Variants in KALRN observed in about 807,000 individuals in gnomAD.
KALRN encodes kalirin.
Under a neutral mutation model 353.7 loss-of-function variants are expected in KALRN, and 70 were observed. The observed-to-expected ratio is 0.20, with a 90% CI of 0.16 to 0.24. KALRN has a LOEUF of 0.24. Among genes scored for constraint, KALRN ranks in the 10% least tolerant of loss-of-function variants. KALRN has a pLI of 1.00. For missense variants in KALRN, 2,791 were observed against 3,756.7 expected (o/e 0.74, Z 6.72); for synonymous variants, 1,391 against 1,434.8 (o/e 0.97, Z 0.69).
In KALRN at chr3:124,334,135, T is replaced by G. The variant is rs1581074888; in HGVS notation, c.1417-130T>G. The stretch of plus-strand genomic sequence containing the variant: ...CCCATGGCAGCTCTGGCTGGCTAGG[T>G]GTCTGGGTATGGAATGCCTGAGATT... On this transcript the variant is annotated intron_variant, in intron 8 of 59. Coordinates refer to ENST00000682506, the MANE Select transcript of KALRN (RefSeq NM_001388419.1). The surrounding 1 kb of genome is among the most constrained non-coding windows in gnomAD (Gnocchi z 4.2). 4.0e-6 allele frequency: 3 copies of G among 758,820 alleles called. No homozygotes were observed. The highest frequency in any genetic ancestry group is 6.7e-6 in the Non-Finnish European group (3 of 449,292). 47.0% of individuals were successfully genotyped at this position (758,820 alleles called of 1,614,324 possible).
intron 1 of KALRN, among the ~76,000 whole-genome samples, chr3:124,171,184 G>A (rs2071767087): frequency 6.6e-6 from 1 of 152,074 alleles, no homozygotes; most frequent in African/African-American, 2.4e-5. Context: ...AAGGATTTGG[G>A]AAATTAGGCT....
chr3:124,304,691 T>C (rs562031646), intron 6 of KALRN, among the ~76,000 whole-genome samples: 26 of 152,294 alleles, frequency 1.7e-4, no homozygotes, highest in African/African-American at 6.3e-4. Flanking sequence ...ATAAGAACAG[T>C]GAGCCTGTGG....
chr3:124,265,413 C>A (rs2073406921), intron 4 of KALRN, among the ~76,000 whole-genome samples: 1 of 149,174 alleles, frequency 6.7e-6, no homozygotes, highest in African/African-American at 2.5e-5. Flanking sequence ...CTGCCTCAGC[C>A]TCCTGAGCAG....
chr3:124,217,394 G>T (rs898696457), intron 1 of KALRN, among the ~76,000 whole-genome samples: 8 of 152,154 alleles, frequency 5.3e-5, no homozygotes, highest in Admixed American at 3.9e-4. Context: ...AATTTATCTA[G>T]ATACCTGAAC....
chr3:124,270,824 G>GTTTTTTTTTTTTTTTTTTTTTTTTTGTT (rs777615656), intron 5 of KALRN, among the ~76,000 whole-genome samples: 2 of 78,654 alleles, frequency 2.5e-5, no homozygotes, highest in Non-Finnish European at 4.8e-5. Flanking sequence ...TTTTTGTTTT[G>GTTTTTTTTTTTTTTTTTTTTTTTTTGTT]TTTTTTTTTT....
At chr3:124,569,310 C>A (rs1429048507) in intron 34 of KALRN, among the ~76,000 whole-genome samples, 1 of 152,178 alleles carries the variant, frequency 6.6e-6, no homozygotes, top group East Asian at 1.9e-4. Context: ...TCAGGAACAG[C>A]TTCCCCATGC....
At position 124,430,813 on chromosome 3, in the gene KALRN, C is replaced by T. The variant is rs56072365; in HGVS notation, c.2829+38C>T. The T allele has an allele frequency of 2.3e-3, 3,755 of 1,598,258 alleles. 7 individuals carry two copies. Among genetic ancestry groups the T allele is most frequent in the Admixed American group, 3.5e-3 (207 of 58,926 alleles). On this transcript the variant is annotated intron_variant, in intron 16 of 59. Coordinates refer to ENST00000682506, the MANE Select transcript of KALRN (RefSeq NM_001388419.1). ...TCTGGCTGCACTGTCCTCCCTTCGCCTTTCTGCTCTGTACCTCAGGCAGGG... is the reference window on the plus strand; with the variant it reads ...TCTGGCTGCACTGTCCTCCCTTCGCTTTTCTGCTCTGTACCTCAGGCAGGG...
At chr3:124,350,818 C>T (rs2082759037) in intron 10 of KALRN, among the ~76,000 whole-genome samples, 2 of 152,166 alleles carry the variant, frequency 1.3e-5, no homozygotes, top group Non-Finnish European at 2.9e-5. Context: ...AATGTTTGCT[C>T]TGAAAAGGAG....
chr3:124,136,693 G>T (rs1031340299), intron 1 of KALRN, among the ~76,000 whole-genome samples: 11 of 152,180 alleles, frequency 7.2e-5, no homozygotes, highest in African/African-American at 2.7e-4. Context: ...CCTAGTGGCT[G>T]TTAAAGGCCC....
rs749410144 is a variant in KALRN, at chr3:124,395,293, C to T, written c.2121C>T (p.Ile707=). Residue 707 remains isoleucine (I), a synonymous_variant, in exon 12 of 60, where the codon ATC becomes ATT. Coordinates refer to ENST00000682506, the MANE Select transcript of KALRN (RefSeq NM_001388419.1). ...LNVIKEGEDL[I]QQLRSAPPSL... ...TCATCAAGGAAGGCGAAGACCTTAT[C>T]CAGCAGCTCAGGTCAGCGCCTCCCT... 6.2e-7 allele frequency: 1 copy of T among 1,613,700 alleles called. No homozygotes were observed. Among genetic ancestry groups the T allele is most frequent in the Non-Finnish European group, 8.5e-7 (1 of 1,179,964 alleles).
At chr3:124,361,856 G>A (rs2084077549) in intron 10 of KALRN, among the ~76,000 whole-genome samples, 1 of 150,312 alleles carries the variant, frequency 6.7e-6, no homozygotes, top group South Asian at 2.1e-4. Flanking sequence ...GGGGAGTAGT[G>A]ATGGTGGCAG....
intron 57 of KALRN, among the ~76,000 whole-genome samples, chr3:124,707,447 CTCCT>C (rs1247887695): frequency 1.9e-4 from 18 of 94,164 alleles, no homozygotes; most frequent in African/African-American, 7.9e-4. Context: ...CCTTCCTTCC[CTCCT>C]TCCTTCCTTC....
At chr3:124,474,794 AC>A (rs1431533660) in intron 26 of KALRN, 62 bp downstream of exon 26, 2 of 1,284,064 alleles carry the variant, frequency 1.6e-6, no homozygotes, top group African/African-American at 2.9e-5. Context: ...TCAGTGCCTG[AC>A]CTAAGGACTG....
At chr3:124,415,460 C>T (rs183892846) in intron 14 of KALRN, among the ~76,000 whole-genome samples, 40 of 152,314 alleles carry the variant, frequency 2.6e-4, no homozygotes, top group Admixed American at 1.1e-3. Context: ...GTTTGAAATG[C>T]GAGTTCAAGG....
At chr3:124,346,345 C>T (rs996097133) in intron 9 of KALRN, among the ~76,000 whole-genome samples, 6 of 152,130 alleles carry the variant, frequency 3.9e-5, no homozygotes, top group Non-Finnish European at 5.9e-5. Context: ...TCTTAGCATC[C>T]CCTCTCTCTC....
chr3:124,047,669 A>AT (rs967398933), intron 1 of KALRN, among the ~76,000 whole-genome samples: 1 of 138,244 alleles, frequency 7.2e-6, no homozygotes, highest in African/African-American at 2.7e-5. Flanking sequence ...ATTTTTTTTT[A>AT]TTTTTTTTTA....
rs1259772811 is a variant in KALRN at position 124,671,840 on chromosome 3, C to T, written c.6884C>T (p.Ser2295Phe). The change falls in exon 48 of 60, where the codon TCC becomes TTC. Residue 2295 changes from serine (S) to phenylalanine (F), a missense_variant. Physicochemically the swap from Ser to Phe is radical, Grantham distance 155 (BLOSUM62 -2). Transcript: ENST00000682506. ...PPLPPLKIST[S>F]NGSPGFEYHQ... is the part of the protein sequence containing the mutation. ...CTGCCTCCCCTGAAGATATCTACCT[C>T]CAATGGCAGTCCAGGGTTTGAATAC... 1.2e-6 allele frequency: 2 copies of T among 1,614,190 alleles called. No individual in the cohort carries two copies. Among genetic ancestry groups the T allele is most frequent in the South Asian group, 2.2e-5 (2 of 91,086 alleles).
At position 124,177,261 on chromosome 3, in the gene KALRN, A is replaced by G. The variant is rs114402348; in HGVS notation, c.74-50729A>G. 3.6e-3 allele frequency among the ~76,000 whole-genome samples: 541 copies of G among 152,328 alleles called. 3 individuals carry two copies. Among genetic ancestry groups the G allele is most frequent in the African/African-American group, 0.011 (474 of 41,578 alleles). On this transcript the variant is annotated intron_variant, in intron 1 of 59. Transcript: ENST00000682506. ...TCTAAGAACAGGCCTGCCATTTCTC[A>G]AACACTCCGGGCAAGACTATTGCTT...
chr3:124,115,141 G>A (rs1306587699), intron 1 of KALRN, among the ~76,000 whole-genome samples: 1 of 152,084 alleles, frequency 6.6e-6, no homozygotes, highest in East Asian at 1.9e-4. Context: ...TAGAGAAGAA[G>A]GGAGAATTTG....
Sources: allele counts gnomAD v4.1 joint callset (sites outside exome capture counted in the v4.1 genomes callset), GRCh38; gene constraint gnomAD v4.1.1; non-coding constraint Gnocchi (gnomAD v3.1); transcripts MANE v1.5; gene names NCBI Gene and HGNC (gene_info 2026-07-23, HGNC 2026-07-21).